TIAM1: variants seen among roughly 807,000 people sequenced by gnomAD.
TIAM1 encodes the protein rho guanine nucleotide exchange factor TIAM1.
TIAM1 carries 65 observed loss-of-function variants against 163.5 expected under a neutral mutation model. That is an observed-to-expected ratio of 0.40 (90% CI 0.33 to 0.49). TIAM1 has a LOEUF of 0.49. Among genes scored for constraint, TIAM1 ranks in the 20% least tolerant of loss-of-function variants. The probability of loss-of-function intolerance (pLI) is 0.77; values close to 1 mark genes in which losing one functional copy is unlikely to be tolerated. For synonymous variants in TIAM1, 833 were observed against 810.1 expected (o/e 1.03, Z -0.48); for missense variants, 1,789 against 2,044.7 (o/e 0.87, Z 2.41).
At chr21:31,197,912 C>A (rs1601512352) in intron 12 of TIAM1, among the ~76,000 whole-genome samples, 2 of 152,142 alleles carry the variant, frequency 1.3e-5, no homozygotes, top group African/African-American at 2.4e-5. Flanking sequence ...CACTACGATG[C>A]CTCCCAGATC....
intron 18 of TIAM1, 61 bp from the exon 19 acceptor site, chr21:31,152,822 A>C (rs1235159505): frequency 6.4e-7 from 1 of 1,568,884 alleles, no homozygotes; most frequent in East Asian, 2.2e-5. Context: ...AACGTTATTT[A>C]TATCTGATTA....
Position 31,141,304 on chromosome 21 carries a change from G to C in TIAM1, c.3655+21C>G. On this transcript the variant is annotated intron_variant, in intron 21 of 27. Coordinates refer to ENST00000541036, the MANE Select transcript of TIAM1 (RefSeq NM_001353694.2). The surrounding 1 kb of genome is among the most constrained non-coding windows in gnomAD (Gnocchi z 4.7). ...CCTCATGGAGACTCAGGCCTGCCGG[G>C]GGTCCCAGGCCGAGGCCTACCGTCC... 1 of 1,613,746 alleles carries C rather than the reference G, an allele frequency of 6.2e-7. No individual in the cohort carries two copies.
At chr21:31,556,463 G>A (rs572378610) in intron 1 of TIAM1, among the ~76,000 whole-genome samples, 10 of 152,222 alleles carry the variant, frequency 6.6e-5, no homozygotes, top group African/African-American at 2.2e-4. Flanking sequence ...GGCCCCTGGG[G>A]CCTACATTCA....
intron 1 of TIAM1, among the ~76,000 whole-genome samples, chr21:31,524,952 T>TA (rs1200535208): frequency 2.6e-5 from 4 of 151,956 alleles, no homozygotes; most frequent in African/African-American, 9.7e-5. Context: ...CTGCAGACTG[T>TA]ACAAGAAAAA....
chr21:31,549,402 ATGTT>A (rs1414217808), intron 1 of TIAM1, among the ~76,000 whole-genome samples: 1 of 152,186 alleles, frequency 6.6e-6, no homozygotes, highest in African/African-American at 2.4e-5. Flanking sequence ...AATGGAGAAA[ATGTT>A]TGCAAATCAT....
intron 8 of TIAM1, 79 bp downstream of exon 8, chr21:31,223,327 T>C: frequency 6.9e-7 from 1 of 1,457,688 alleles, no homozygotes; most frequent in Non-Finnish European, 9.2e-7. Context: ...GAAAAACACT[T>C]AGGAGACTCT....
chr21:31,176,494 A>T (rs1357972339), intron 15 of TIAM1, among the ~76,000 whole-genome samples: 3 of 152,170 alleles, frequency 2.0e-5, no homozygotes, highest in Admixed American at 1.3e-4. Flanking sequence ...CAAACAGCCA[A>T]GGATAGGAAA....
intron 23 of TIAM1, among the ~76,000 whole-genome samples, chr21:31,133,107 G>A (rs886273338): frequency 6.6e-6 from 1 of 152,154 alleles, no homozygotes; most frequent in African/African-American, 2.4e-5. Context: ...TTCCTTCACA[G>A]CACCTCTTCC....
At chr21:31,258,695 G>A (rs532272091) in intron 4 of TIAM1, among the ~76,000 whole-genome samples, 8 of 152,072 alleles carry the variant, frequency 5.3e-5, no homozygotes, top group Non-Finnish European at 1.0e-4. Context: ...TGCACCTGTA[G>A]TCCCAGCTAC....
intron 27 of TIAM1, among the ~76,000 whole-genome samples, chr21:31,122,656 G>C (rs1393848959): frequency 1.3e-5 from 2 of 152,082 alleles, no homozygotes; most frequent in African/African-American, 4.8e-5. Flanking sequence ...TTTTTAATTG[G>C]GTTATTGGCA....
chr21:31,387,708 C>A (rs907183092), intron 2 of TIAM1, among the ~76,000 whole-genome samples: 5 of 152,102 alleles, frequency 3.3e-5, no homozygotes, highest in Non-Finnish European at 7.4e-5. Flanking sequence ...CAGTGGTGGG[C>A]GGCTCTGTAA....
At chr21:31,140,132 C>CT (rs1395851255) in intron 22 of TIAM1, among the ~76,000 whole-genome samples, 1 of 152,130 alleles carries the variant, frequency 6.6e-6, no homozygotes, top group East Asian at 1.9e-4. Context: ...AGCCTGAAAA[C>CT]TTGTTTTGTT....
intron 1 of TIAM1, among the ~76,000 whole-genome samples, chr21:31,503,897 G>A (rs182502116): frequency 5.2e-4 from 79 of 151,396 alleles, no homozygotes; most frequent in East Asian, 2.0e-3. Context: ...CCCCTTCCAC[G>A]TCCAAAATTC....
intron 13 of TIAM1, among the ~76,000 whole-genome samples, chr21:31,189,981 A>G (rs1168890449): frequency 6.6e-6 from 1 of 152,226 alleles, no homozygotes; most frequent in Non-Finnish European, 1.5e-5. Context: ...AACAGGGGGC[A>G]GAGGGAAATT....
chr21:31,329,648 A>G (rs1293079392), intron 2 of TIAM1, among the ~76,000 whole-genome samples: 1 of 152,234 alleles, frequency 6.6e-6, no homozygotes, highest in East Asian at 1.9e-4. Flanking sequence ...ACATGAAGTC[A>G]GTGCTTTCAC....
chr21:31,204,966 T>C (rs1030813779), intron 11 of TIAM1, among the ~76,000 whole-genome samples: 1 of 152,246 alleles, frequency 6.6e-6, no homozygotes. Flanking sequence ...ACCTGGCTTT[T>C]GTCCTTTCAC....
chr21:31,342,753 G>A (rs1489067475), intron 1 of TIAM1, among the ~76,000 whole-genome samples: 1 of 152,146 alleles, frequency 6.6e-6, no homozygotes, highest in Non-Finnish European at 1.5e-5. Context: ...TAGAACTCAG[G>A]GCTCTAGCCC....
intron 2 of TIAM1, among the ~76,000 whole-genome samples, chr21:31,417,362 C>T (rs1030532459): frequency 6.6e-6 from 1 of 152,148 alleles, no homozygotes; most frequent in Non-Finnish European, 1.5e-5. Flanking sequence ...TAAATGGACT[C>T]ATAGTTCCAC....
intron 2 of TIAM1, among the ~76,000 whole-genome samples, chr21:31,415,632 T>C (rs543649025): frequency 1.3e-5 from 2 of 152,338 alleles, no homozygotes; most frequent in South Asian, 4.1e-4. Context: ...CTCCACTATA[T>C]GAAGAAATGG....
Sources: allele counts gnomAD v4.1 joint callset (sites outside exome capture counted in the v4.1 genomes callset), GRCh38; gene constraint gnomAD v4.1.1; non-coding constraint Gnocchi (gnomAD v3.1); transcripts MANE v1.5; gene names NCBI Gene and HGNC (gene_info 2026-07-23, HGNC 2026-07-21).